The following RGS22 variants were observed in gnomAD, a reference collection of about 807,000 sequenced individuals.
The protein encoded by RGS22 is regulator of G-protein signaling 22.
A neutral mutation model predicts 172.9 loss-of-function variants in RGS22; 148 were observed. The observed-to-expected ratio is 0.86, with a 90% CI of 0.75 to 0.98. The LOEUF (loss-of-function observed/expected upper bound fraction) is 0.98, where lower values mean the gene tolerates loss of function less well. Ranked by LOEUF, RGS22 falls within the 50% of genes least tolerant of loss-of-function variation. The probability of loss-of-function intolerance (pLI) is 0.00; values close to 1 mark genes in which losing one functional copy is unlikely to be tolerated. For missense variants in RGS22, 1,347 were observed against 1,440.8 expected (o/e 0.93, Z 1.05); for synonymous variants, 458 against 480.2 (o/e 0.95, Z 0.60).
At chr8:99,998,438 G>A (rs920508503) in intron 19 of RGS22, among the ~76,000 whole-genome samples, 1 of 152,124 alleles carries the variant, frequency 6.6e-6, no homozygotes, top group African/African-American at 2.4e-5. Context: ...GGGCACTGTG[G>A]AACTTTCCTA....
intron 19 of RGS22, 47 bp downstream of exon 19, chr8:99,999,215 C>T: frequency 6.5e-7 from 1 of 1,531,264 alleles, no homozygotes; most frequent in South Asian, 1.2e-5. Flanking sequence ...TTGAAGTTTT[C>T]AGAGGTACTG....
chr8:100,047,012 C>T (rs1820794874), intron 11 of RGS22, among the ~76,000 whole-genome samples: 1 of 151,978 alleles, frequency 6.6e-6, no homozygotes, highest in Admixed American at 6.6e-5. Flanking sequence ...GACATGATCT[C>T]AGTATATTAC....
chr8:100,042,386 G>T (rs572424828), intron 11 of RGS22, among the ~76,000 whole-genome samples: 3 of 152,144 alleles, frequency 2.0e-5, no homozygotes, highest in Non-Finnish European at 2.9e-5. Flanking sequence ...AACATAATTT[G>T]CTTAGGGCAG....
chr8:100,070,971 G>A (rs962815648), intron 6 of RGS22, among the ~76,000 whole-genome samples: 1 of 150,892 alleles, frequency 6.6e-6, no homozygotes, highest in Non-Finnish European at 1.5e-5. Context: ...TTCTGTTCAG[G>A]TAATACAAAT....
In RGS22 at chr8:100,072,235, G is replaced by A; in HGVS notation, c.340-5C>T. Reference sequence around the variant, plus strand: ...ACCTTCTTCACGACTGAGACACTATGAGAAGAAAGAGAAAAAGAAAAAGAA... The same window carrying A: ...ACCTTCTTCACGACTGAGACACTATAAGAAGAAAGAGAAAAAGAAAAAGAA... On this transcript the variant is annotated splice_polypyrimidine_tract_variant and splice_region_variant and intron_variant, in intron 4 of 27. Coordinates refer to ENST00000360863, the MANE Select transcript of RGS22 (RefSeq NM_015668.5). The A allele has an allele frequency of 2.0e-6, 3 of 1,537,826 alleles. No homozygotes were observed. The highest frequency in any genetic ancestry group is 2.3e-5 in the East Asian group (1 of 44,072).
Position 100,008,369 on chromosome 8 carries a change from C to T in RGS22, c.2361+6G>A, listed in dbSNP as rs375874369. On this transcript the variant is annotated splice_donor_region_variant and intron_variant, in intron 15 of 27. Transcript: ENST00000360863. ...TTTCACACTCAATTTATCGGTGGCA[C>T]GGTACCTTTTTATAAGCAATTTGGT... is the stretch of plus-strand genomic sequence containing the variant. The T allele has an allele frequency of 2.1e-5, 33 of 1,604,800 alleles. No homozygotes were observed. Among genetic ancestry groups the T allele is most frequent in the Middle Eastern group, 1.7e-4 (1 of 6,048 alleles).
chr8:100,062,297 T>G (rs1182931457), intron 9 of RGS22, among the ~76,000 whole-genome samples: 1 of 151,876 alleles, frequency 6.6e-6, no homozygotes, highest in Non-Finnish European at 1.5e-5. Flanking sequence ...CCCCTGTACT[T>G]AAAATAGAAG....
intron 10 of RGS22, chr8:100,050,963 G>A (rs902821630): frequency 2.0e-5 from 3 of 152,114 alleles, no homozygotes; most frequent in Non-Finnish European, 2.9e-5. Context: ...AAATCACATG[G>A]TAATAAATAT....
chr8:100,105,573 G>A (rs571540208), intron 1 of RGS22, 171 bp from the exon 2 acceptor site: 109 of 640,270 alleles, frequency 1.7e-4, no homozygotes, highest in African/African-American at 1.7e-3. Flanking sequence ...GGAATTCAAG[G>A]TGGAAGTGGG....
chr8:100,013,280 C>T (rs188505359), intron 14 of RGS22, among the ~76,000 whole-genome samples: 10 of 152,138 alleles, frequency 6.6e-5, no homozygotes, highest in East Asian at 3.9e-4. Context: ...TAAGCCATCG[C>T]GCCTGGCCTG....
chr8:99,979,469 A>C (rs1812320215), intron 22 of RGS22, among the ~76,000 whole-genome samples: 1 of 152,210 alleles, frequency 6.6e-6, no homozygotes, highest in African/African-American at 2.4e-5. Context: ...ATTGTGGATA[A>C]GAAAATGTTT....
At chr8:100,036,298 C>T (rs900391566) in intron 14 of RGS22, among the ~76,000 whole-genome samples, 5 of 152,284 alleles carry the variant, frequency 3.3e-5, no homozygotes, top group African/African-American at 9.6e-5. Flanking sequence ...TCCTTGCCAA[C>T]ACCATTTAAA....
chr8:100,066,076 C>T (rs1586185990), intron 7 of RGS22, 91 bp downstream of exon 7: 3 of 1,215,542 alleles, frequency 2.5e-6, no homozygotes, highest in East Asian at 2.5e-5. Context: ...TTTTTTCTCC[C>T]CAACCACTAA....
chr8:100,002,292 C>A lies in RGS22; in HGVS notation c.2700G>T (p.Lys900Asn). 6.2e-7 allele frequency: 1 copy of A among 1,611,780 alleles called. No individual in the cohort carries two copies. Among genetic ancestry groups the A allele is most frequent in the Non-Finnish European group, 8.5e-7 (1 of 1,179,180 alleles). ...TGTTTTTAATGTATATAGATTTTGCCTTCCTTTGATTTCGATCTCTGTAAG... is the reference window on the plus strand; with the variant it reads ...TGTTTTTAATGTATATAGATTTTGCATTCCTTTGATTTCGATCTCTGTAAG... ...RITYRDRNQRKAKSIYIKNKY... is the reference protein window; with the variant it reads ...RITYRDRNQRNAKSIYIKNKY... The change falls in exon 18 of 28, where the codon AAG becomes AAT. Residue 900 changes from lysine to asparagine, a missense_variant. Transcript: ENST00000360863.
chr8:100,033,164 G>C (rs1318096389), intron 14 of RGS22, among the ~76,000 whole-genome samples: 1 of 152,054 alleles, frequency 6.6e-6, no homozygotes, highest in Non-Finnish European at 1.5e-5. Context: ...AAATACTTAA[G>C]ATCAGAGCAG....
intron 11 of RGS22, among the ~76,000 whole-genome samples, chr8:100,046,643 C>A (rs527328046): frequency 6.7e-6 from 1 of 148,936 alleles, no homozygotes; most frequent in Non-Finnish European, 1.5e-5. Flanking sequence ...AAAAAACTTA[C>A]AAAAATAAAT....
chr8:100,045,438 T>G (rs1820615239), intron 11 of RGS22, among the ~76,000 whole-genome samples: 1 of 152,142 alleles, frequency 6.6e-6, no homozygotes, highest in South Asian at 2.1e-4. Context: ...CTTCTGAGAA[T>G]AACAAATACA....
chr8:99,980,172 C>T (rs1227073240), intron 22 of RGS22, among the ~76,000 whole-genome samples: 1 of 152,150 alleles, frequency 6.6e-6, no homozygotes, highest in Non-Finnish European at 1.5e-5. Flanking sequence ...TCAAGCAATC[C>T]TCCTGCCTTG....
chr8:100,104,325 T>TGTGC (rs1199161183), intron 2 of RGS22, among the ~76,000 whole-genome samples: 1 of 91,936 alleles, frequency 1.1e-5, no homozygotes, highest in African/African-American at 3.5e-5. Context: ...TCTCAAAATA[T>TGTGC]GTGCGTGTGT....
Sources: gnomAD v4.1 joint callset for allele counts (sites outside exome capture counted in the v4.1 genomes callset) on GRCh38, gnomAD v4.1.1 for gene constraint, MANE v1.5 for transcripts, NCBI Gene and HGNC (gene_info 2026-07-23, HGNC 2026-07-21) for gene names.